Variants in CNTN4 observed in about 807,000 individuals in gnomAD.
CNTN4 encodes contactin 4.
CNTN4 carries 77 observed loss-of-function variants against 122.5 expected under a neutral mutation model. The observed-to-expected ratio is 0.63, with a 90% CI of 0.52 to 0.76. The LOEUF (loss-of-function observed/expected upper bound fraction) is 0.76. CNTN4 is among the 30% of genes least tolerant of loss of function. CNTN4 has a pLI of 0.00. For synonymous variants in CNTN4, 512 were observed against 447.0 expected (o/e 1.15, Z -1.83); for missense variants, 1,256 against 1,259.1 (o/e 1.00, Z 0.04).
chr3:2,101,860 G>A (rs1385717928), intron 2 of CNTN4, among the ~76,000 whole-genome samples: 1 of 152,172 alleles, frequency 6.6e-6, no homozygotes. Context: ...CCCCTGGGGT[G>A]TGTAGCACAC....
At chr3:2,611,516 G>C (rs2081489799) in intron 4 of CNTN4, among the ~76,000 whole-genome samples, 1 of 152,042 alleles carries the variant, frequency 6.6e-6, no homozygotes, top group Non-Finnish European at 1.5e-5. Flanking sequence ...GTACCTGCTT[G>C]GGAGAGCCGT....
At chr3:2,493,940 A>G (rs1449400874) in intron 3 of CNTN4, among the ~76,000 whole-genome samples, 1 of 152,146 alleles carries the variant, frequency 6.6e-6, no homozygotes, top group Non-Finnish European at 1.5e-5. Context: ...ATGCTATTCT[A>G]GAATAGTGGC....
At chr3:2,570,317 G>T (rs1229066839) in intron 3 of CNTN4, among the ~76,000 whole-genome samples, 1 of 151,810 alleles carries the variant, frequency 6.6e-6, no homozygotes. Flanking sequence ...GGGACTATAG[G>T]CGTGCACCAC....
intron 2 of CNTN4, among the ~76,000 whole-genome samples, chr3:2,206,577 A>G (rs112492727): frequency 6.6e-6 from 1 of 152,126 alleles, no homozygotes; most frequent in Non-Finnish European, 1.5e-5. Context: ...TAAGACAGTG[A>G]TACCAGGAAT....
intron 3 of CNTN4, among the ~76,000 whole-genome samples, chr3:2,438,272 C>A (rs1300696987): frequency 6.6e-6 from 1 of 152,154 alleles, no homozygotes; most frequent in Non-Finnish European, 1.5e-5. Flanking sequence ...GTAATCCCAG[C>A]CCTTTGGGAG....
At position 3,022,071 on chromosome 3, in the gene CNTN4, CAAAAAAA is replaced by C. The variant is rs36094888; in HGVS notation, c.1487-4017_1487-4011del. 9.0e-5 allele frequency among the ~76,000 whole-genome samples: 10 copies of C among 110,598 alleles called. No homozygotes were observed. In the South Asian group the frequency reaches 2.8e-3, roughly 31 times the overall value. The allele number at this position is 110,598 out of a possible 152,430, so 72.6% of individuals were successfully genotyped here. ...AAAAACCCTGCCTCTACCAAGAATT[CAAAAAAA>C]AAAAAAAAAAAAAGAATTAGTTGGG... On this transcript the variant is annotated intron_variant, in intron 14 of 24. Transcript: ENST00000418658.
In CNTN4 at chr3:2,654,313, G is replaced by C. The variant is rs532404126; in HGVS notation, c.56-81902G>C. On this transcript the variant is annotated intron_variant, in intron 4 of 24. Transcript: ENST00000418658. ...GTCTAAGAAAATCCCCTCAAAATTAGAAGTCTCTGAAAACTATACAGATCT... is the reference window on the plus strand; with the variant it reads ...GTCTAAGAAAATCCCCTCAAAATTACAAGTCTCTGAAAACTATACAGATCT... Among the ~76,000 whole-genome samples the C allele has an allele frequency of 2.0e-5, 3 of 152,238 alleles. No homozygotes were observed. The South Asian group carries it at 6.2e-4, about 31-fold the overall frequency.
chr3:2,979,880 A>G lies in CNTN4; in HGVS notation c.1359-8465A>G, dbSNP rs549696906. On this transcript the variant is annotated intron_variant, in intron 13 of 24. Coordinates refer to ENST00000418658, the MANE Select transcript of CNTN4 (RefSeq NM_175607.3). The stretch of plus-strand genomic sequence containing the variant: ...GCAAGGATACGCTGTCTCCCTCTAC[A>G]GCAGTTAGGCTTCCTGCTGAACTGC... Among the ~76,000 whole-genome samples the G allele has an allele frequency of 2.0e-5, 3 of 152,314 alleles. No individual in the cohort carries two copies. In the South Asian group the frequency reaches 6.2e-4, roughly 32 times the overall value.
intron 3 of CNTN4, among the ~76,000 whole-genome samples, chr3:2,353,106 C>G (rs140458540): frequency 1.3e-5 from 2 of 151,584 alleles, no homozygotes; most frequent in African/African-American, 4.9e-5. Flanking sequence ...TATGTCTAGC[C>G]GGAGGATTGT....
chr3:2,328,172 G>A (rs113737348), intron 2 of CNTN4, among the ~76,000 whole-genome samples: 3,203 of 152,224 alleles, frequency 0.021, 110 homozygotes, highest in African/African-American at 0.073. Flanking sequence ...TTGGGAGGCC[G>A]AGGCGGGCGG....
At chr3:2,144,981 C>G (rs1451792898) in intron 2 of CNTN4, among the ~76,000 whole-genome samples, 1 of 152,174 alleles carries the variant, frequency 6.6e-6, no homozygotes, top group Admixed American at 6.5e-5. Flanking sequence ...CATTTTCGCT[C>G]CCCTAGGAAA....
Position 2,516,025 on chromosome 3 carries a change from C to T in CNTN4, c.-88-55391C>T, listed in dbSNP as rs141061084. 1.4e-4 allele frequency among the ~76,000 whole-genome samples: 21 copies of T among 152,116 alleles called. 1 individual carries two copies. The East Asian group carries it at 4.1e-3, about 29-fold the overall frequency. The stretch of plus-strand genomic sequence containing the variant: ...TGGATGGGCTCATCTTATTTCAGAT[C>T]AGGGTAGTGTTATGACAGCTTTTAA... On this transcript the variant is annotated intron_variant, in intron 3 of 24. Transcript: ENST00000418658.
chr3:2,296,681 T>C (rs1267456024), intron 2 of CNTN4, among the ~76,000 whole-genome samples: 1 of 151,848 alleles, frequency 6.6e-6, no homozygotes, highest in Non-Finnish European at 1.5e-5. Context: ...TTTGATATTG[T>C]ATAGAACAAA....
chr3:2,265,704 G>C (rs2041015513), intron 2 of CNTN4, among the ~76,000 whole-genome samples: 1 of 151,694 alleles, frequency 6.6e-6, no homozygotes, highest in Admixed American at 6.6e-5. Context: ...ATGAACATGG[G>C]ATATTTCTTC....
chr3:2,506,505 A>G (rs972810713), intron 3 of CNTN4, among the ~76,000 whole-genome samples: 1 of 152,256 alleles, frequency 6.6e-6, no homozygotes, highest in Non-Finnish European at 1.5e-5. Flanking sequence ...TCTTCCTCCA[A>G]TAATTTAAAT....
intron 3 of CNTN4, among the ~76,000 whole-genome samples, chr3:2,445,363 C>G (rs1465863203): frequency 6.8e-6 from 1 of 147,842 alleles, no homozygotes; most frequent in Non-Finnish European, 1.5e-5. Flanking sequence ...GGTATTACCA[C>G]CTGGGAGAAG....
At chr3:2,742,624 G>A (rs1020621566) in intron 5 of CNTN4, among the ~76,000 whole-genome samples, 5 of 152,046 alleles carry the variant, frequency 3.3e-5, no homozygotes, top group East Asian at 1.9e-4. Context: ...TCACAGCATC[G>A]GTGTTTGGTT....
chr3:2,885,955 G>A (rs1039224602), intron 9 of CNTN4, among the ~76,000 whole-genome samples: 3 of 152,088 alleles, frequency 2.0e-5, no homozygotes, highest in Admixed American at 6.6e-5. Context: ...CACTCTTCTC[G>A]TAGGACAGCT....
At chr3:2,600,087 A>T (rs1348590204) in intron 4 of CNTN4, among the ~76,000 whole-genome samples, 1 of 129,512 alleles carries the variant, frequency 7.7e-6, no homozygotes, top group Non-Finnish European at 1.6e-5. Context: ...TGGATTCTTA[A>T]ACATTCAGTA....
Sources: gnomAD v4.1 joint callset for allele counts (sites outside exome capture counted in the v4.1 genomes callset) on GRCh38, gnomAD v4.1.1 for gene constraint, MANE v1.5 for transcripts, NCBI Gene and HGNC (gene_info 2026-07-23, HGNC 2026-07-21) for gene names.